Variants in INSYN2B observed in about 807,000 individuals in gnomAD.
The protein encoded by INSYN2B is inhibitory synaptic factor family member 2B, also known as protein INSYN2B.
INSYN2B carries 16 observed loss-of-function variants against 41.2 expected under a neutral mutation model. The observed-to-expected ratio is 0.39, with a 90% confidence interval of 0.26 to 0.59. The LOEUF (loss-of-function observed/expected upper bound fraction) is 0.59. Ranked by LOEUF, INSYN2B falls within the 20% of genes least tolerant of loss-of-function variation. INSYN2B has a pLI of 0.57. For missense variants in INSYN2B, 608 were observed against 646.4 expected (o/e 0.94, Z 0.64); for synonymous variants, 245 against 244.4 (o/e 1.00, Z -0.02).
chr5:169,960,666 G>A (rs529285788), intron 1 of INSYN2B, among the ~76,000 whole-genome samples: 38 of 152,212 alleles, frequency 2.5e-4, no homozygotes, highest in Admixed American at 5.9e-4. Context: ...GGTAATATTC[G>A]GGTCTCTATA....
chr5:169,928,720 A>G (rs906604078), intron 1 of INSYN2B, among the ~76,000 whole-genome samples: 1 of 152,244 alleles, frequency 6.6e-6, no homozygotes, highest in African/African-American at 2.4e-5. Context: ...TCAACAAGTT[A>G]TGACACCTTC....
At chr5:169,896,491 A>C (rs1773616509) in intron 1 of INSYN2B, among the ~76,000 whole-genome samples, 1 of 152,204 alleles carries the variant, frequency 6.6e-6, no homozygotes, top group Non-Finnish European at 1.5e-5. Flanking sequence ...GTGGCTAATA[A>C]TATTACTTAA....
chr5:169,883,588 C>T lies in INSYN2B; in HGVS notation c.311G>A (p.Arg104Lys). The change falls in exon 2 of 4, where the codon AGG (arginine) becomes AAG (lysine). Residue 104 changes from arginine to lysine, a missense_variant. Physicochemically the swap from Arg to Lys is conservative, Grantham distance 26. Transcript: ENST00000377365. ...CCTTTTGAAAACTGGGAAATGCTTC[C>T]TGAGACTGGGGGAAGTTTGGATTGC... ...NIAIQTSPSL[R>K]KHFPVFKRKR... 9.7e-6 allele frequency: 15 copies of T among 1,551,660 alleles called. No individual in the cohort carries two copies. Among genetic ancestry groups the T allele is most frequent in the Non-Finnish European group, 1.3e-5 (15 of 1,146,968 alleles).
intron 1 of INSYN2B, among the ~76,000 whole-genome samples, chr5:169,894,561 G>A (rs1773482724): frequency 6.6e-6 from 1 of 152,164 alleles, no homozygotes; most frequent in Admixed American, 6.5e-5. Flanking sequence ...AAGGGGAAGA[G>A]AAGGGGGGAA....
At chr5:169,904,065 C>T (rs1006581714) in intron 1 of INSYN2B, among the ~76,000 whole-genome samples, 13 of 135,386 alleles carry the variant, frequency 9.6e-5, no homozygotes, top group African/African-American at 3.3e-4. Flanking sequence ...TGACTCCAGC[C>T]TGGGCAACAG....
chr5:169,978,697 G>A (rs1037871329), intron 1 of INSYN2B, among the ~76,000 whole-genome samples: 3 of 151,936 alleles, frequency 2.0e-5, no homozygotes, highest in Admixed American at 6.6e-5. Context: ...ACCTCCCTAC[G>A]TCCCGAAGGG....
At position 169,882,543 on chromosome 5, in the gene INSYN2B, A is replaced by T. The variant is rs1247747565; in HGVS notation, c.1346+10T>A. ...CAGTCATTTTTAATATGAAAAAAAA[A>T]TCTCCTTACCCTTCAGTGAGAGCTC... On this transcript the variant is annotated intron_variant, in intron 2 of 3. Transcript: ENST00000377365. 1 of 1,521,370 alleles carries T rather than the reference A, an allele frequency of 6.6e-7. No homozygotes were observed. The highest frequency in any genetic ancestry group is 1.7e-4 in the Middle Eastern group (1 of 5,828). 94.2% of individuals were successfully genotyped at this position (1,521,370 alleles called of 1,614,324 possible). A position where few individuals can be genotyped will look rare whatever the true frequency, so the allele number is the denominator to read the frequency against.
chr5:169,914,253 A>G (rs1249988971), intron 1 of INSYN2B, among the ~76,000 whole-genome samples: 4 of 152,126 alleles, frequency 2.6e-5, no homozygotes, highest in Non-Finnish European at 5.9e-5. Context: ...TCCTCATACT[A>G]TGTTCTAAAA....
chr5:169,912,591 C>G (rs1389202348), intron 1 of INSYN2B, among the ~76,000 whole-genome samples: 1 of 150,702 alleles, frequency 6.6e-6, no homozygotes, highest in Non-Finnish European at 1.5e-5. Context: ...AAACAGAATT[C>G]TTTATGTGCC....
intron 1 of INSYN2B, among the ~76,000 whole-genome samples, chr5:169,953,100 G>T (rs183746949): frequency 3.0e-4 from 45 of 152,216 alleles, no homozygotes; most frequent in Admixed American, 2.9e-3. Context: ...GAGGTGGGCG[G>T]ATCACAAGGT....
chr5:169,923,587 G>C (rs1393833671), intron 1 of INSYN2B, among the ~76,000 whole-genome samples: 1 of 152,108 alleles, frequency 6.6e-6, no homozygotes, highest in Non-Finnish European at 1.5e-5. Flanking sequence ...TTTCTATTGT[G>C]ACCTTGGGCA....
chr5:169,965,710 C>T (rs780105256), intron 1 of INSYN2B, among the ~76,000 whole-genome samples: 4 of 152,322 alleles, frequency 2.6e-5, no homozygotes, highest in Non-Finnish European at 4.4e-5. Context: ...AGAATTTTGA[C>T]ATCTCTCTAA....
chr5:169,947,093 A>C (rs560743106), intron 1 of INSYN2B, among the ~76,000 whole-genome samples: 43 of 152,324 alleles, frequency 2.8e-4, no homozygotes, highest in African/African-American at 9.4e-4. Flanking sequence ...TTTACACAAC[A>C]CTATGACTCC....
At chr5:169,961,075 T>G (rs141042170) in intron 1 of INSYN2B, among the ~76,000 whole-genome samples, 34 of 152,180 alleles carry the variant, frequency 2.2e-4, no homozygotes, top group African/African-American at 8.2e-4. Flanking sequence ...CATGAGTGAG[T>G]GATGGTAGTG....
chr5:169,952,832 A>G (rs750865415), intron 1 of INSYN2B, among the ~76,000 whole-genome samples: 9 of 152,172 alleles, frequency 5.9e-5, no homozygotes, highest in African/African-American at 9.7e-5. Context: ...CATAAGTGAG[A>G]AATGAATGGA....
chr5:169,936,316 T>C (rs1377967717), intron 1 of INSYN2B, among the ~76,000 whole-genome samples: 1 of 152,158 alleles, frequency 6.6e-6, no homozygotes, highest in East Asian at 1.9e-4. Flanking sequence ...GCAAGGGCAG[T>C]GGGTTCCTAG....
At chr5:169,957,868 T>C (rs1013164022) in intron 1 of INSYN2B, among the ~76,000 whole-genome samples, 1 of 152,182 alleles carries the variant, frequency 6.6e-6, no homozygotes, top group African/African-American at 2.4e-5. Flanking sequence ...GCATTTATTA[T>C]TTCCTTAAAC....
intron 3 of INSYN2B, among the ~76,000 whole-genome samples, chr5:169,867,342 G>A (rs1055438870): frequency 3.3e-5 from 5 of 152,116 alleles, no homozygotes; most frequent in Admixed American, 6.6e-5. Context: ...CTCACCCAAC[G>A]TGATAACAAA....
At chr5:169,960,601 G>A (rs1777043930) in intron 1 of INSYN2B, among the ~76,000 whole-genome samples, 1 of 152,164 alleles carries the variant, frequency 6.6e-6, no homozygotes, top group African/African-American at 2.4e-5. Context: ...CAATAATGGA[G>A]GGCCAGCCAT....
Sources: allele counts gnomAD v4.1 joint callset (sites outside exome capture counted in the v4.1 genomes callset), GRCh38; gene constraint gnomAD v4.1.1; transcripts MANE v1.5; gene names NCBI Gene and HGNC (gene_info 2026-07-23, HGNC 2026-07-21).